TNK2: variants seen among roughly 807,000 people sequenced by gnomAD.
TNK2 encodes activated CDC42 kinase 1.
Under a neutral mutation model 101.8 loss-of-function variants are expected in TNK2, and 83 were observed. The ratio of observed to expected loss-of-function variants is 0.82; its 90% CI spans 0.68 to 0.98. The LOEUF is 0.98. Ranked by LOEUF, TNK2 falls within the 50% of genes least tolerant of loss-of-function variation. The probability of loss-of-function intolerance (pLI) is 0.00; values close to 1 mark genes in which losing one functional copy is unlikely to be tolerated. For synonymous variants in TNK2, 804 were observed against 633.0 expected, an observed-to-expected ratio of 1.27 and a Z score of -4.06; for missense variants, 1,665 against 1,483.2, an observed-to-expected ratio of 1.12 and a Z score of -2.01.
At chr3:195,887,289 C>T (rs957818833) in intron 2 of TNK2, among the ~76,000 whole-genome samples, 8 of 152,242 alleles carry the variant, frequency 5.3e-5, no homozygotes, top group Middle Eastern at 6.3e-3. Context: ...ATGGGCTTCT[C>T]CCAGTTCTCA....
Position 195,878,140 on chromosome 3 carries a change from C to A in TNK2, c.1256+113G>T, listed in dbSNP as rs1244716950. On this transcript the variant is annotated intron_variant, in intron 9 of 15. Coordinates refer to ENST00000672887, the MANE Select transcript of TNK2 (RefSeq NM_001382273.1). The surrounding 1 kb of genome is among the most constrained non-coding windows in gnomAD (Gnocchi z 4.7). ...CACTGCAGGGTTCAGGCCCAACCGCCAGCCTGTATGTGGCCAAGGGAATCT... is the reference window on the plus strand; with the variant it reads ...CACTGCAGGGTTCAGGCCCAACCGCAAGCCTGTATGTGGCCAAGGGAATCT... The A allele has an allele frequency of 2.7e-5, 31 of 1,151,202 alleles. No homozygotes were observed. The highest frequency in any genetic ancestry group is 3.9e-5 in the Non-Finnish European group (30 of 773,522). 71.3% of individuals were successfully genotyped at this position (1,151,202 alleles called of 1,614,324 possible).
intron 1 of TNK2, among the ~76,000 whole-genome samples, chr3:195,900,150 G>A (rs533312485): frequency 2.0e-4 from 30 of 152,228 alleles, no homozygotes; most frequent in Non-Finnish European, 4.0e-4. Context: ...CTTAAGGAAG[G>A]TGCCTTCTCA....
chr3:195,888,702 C>T lies in TNK2; in HGVS notation c.-18-96G>A, dbSNP rs772860747. ...GCTCACCTTCATCCCACTACACGGC[C>T]ACCCGGAAGGGCTCACACCACCTTC... On this transcript the variant is annotated intron_variant, in intron 1 of 15. Transcript: ENST00000672887. The surrounding 1 kb of genome is among the most constrained non-coding windows in gnomAD (Gnocchi z 5.3). 1 of 1,214,462 alleles carries T rather than the reference C, an allele frequency of 8.2e-7. No individual in the cohort carries two copies. Among genetic ancestry groups the T allele is most frequent in the South Asian group, 1.5e-5 (1 of 65,734 alleles). 75.2% of individuals were successfully genotyped at this position (1,214,462 alleles called of 1,614,324 possible).
chr3:195,900,502 C>T (rs1274131710), intron 1 of TNK2, among the ~76,000 whole-genome samples: 2 of 152,206 alleles, frequency 1.3e-5, no homozygotes, highest in Non-Finnish European at 2.9e-5. Context: ...CTTGAAAGTA[C>T]TGTGAAACCG....
chr3:195,869,667 G>T, intron 11 of TNK2, 126 bp from the exon 12 acceptor site: 1 of 969,244 alleles, frequency 1.0e-6, no homozygotes, highest in Non-Finnish European at 1.6e-6. Flanking sequence ...GGGGGCGAGT[G>T]AATGTACAAG....
intron 1 of TNK2, among the ~76,000 whole-genome samples, chr3:195,900,621 G>T (rs1761103745): frequency 6.6e-6 from 1 of 152,236 alleles, no homozygotes; most frequent in Non-Finnish European, 1.5e-5. Context: ...ACAGACACCA[G>T]CAGCAGTGGG....
At position 195,868,661 on chromosome 3, in the gene TNK2, T is replaced by C; in HGVS notation, c.1637A>G (p.Asp546Gly). Residue 546 changes from aspartate to glycine, a missense_variant, in exon 13 of 16, where the codon GAC becomes GGC. Physicochemically the swap from Asp to Gly is moderately conservative, Grantham distance 94 (BLOSUM62 -1). Around this residue, in one of 3 missense-constraint regions of TNK2, gnomAD observed 1,136 missense variants for 894.9 expected, o/e 1.27. Coordinates refer to ENST00000672887, the MANE Select transcript of TNK2 (RefSeq NM_001382273.1). ...CTTCCGCAGGCCCAGCCTCTTGAAGTCGCTGGACAAGGGGTCTTGGTCCTC... is the reference window on the plus strand; with the variant it reads ...CTTCCGCAGGCCCAGCCTCTTGAAGCCGCTGGACAAGGGGTCTTGGTCCTC... ...VSEDQDPLSS[D>G]FKRLGLRKPG... The C allele has an allele frequency of 6.3e-7, 1 of 1,593,302 alleles. No individual in the cohort carries two copies. The highest frequency in any genetic ancestry group is 1.1e-5 in the South Asian group (1 of 90,812).
rs761282756 is a variant in TNK2 at position 195,867,948 on chromosome 3, A to G, written c.2350T>C (p.Trp784Arg). 4.5e-6 allele frequency: 7 copies of G among 1,543,792 alleles called. No individual in the cohort carries two copies. Among genetic ancestry groups the G allele is most frequent in the Non-Finnish European group, 6.0e-6 (7 of 1,157,172 alleles). Residue 784 changes from tryptophan to arginine, a missense_variant, in exon 13 of 16, where the codon TGG becomes CGG. Physicochemically the swap from Trp to Arg is moderately radical, Grantham distance 101. This residue lies in a region of TNK2 where 1,136 missense variants were observed against 894.9 expected (regional missense o/e 1.27). Transcript: ENST00000672887. ...CGGGGAGGGGAAGCAGGTCCAGGCC[A>G]CTGGCTGGTCTCCTCCTCGCCCGGG... ...APPGEEETSQWPGPASPPRVP... is the reference protein window; with the variant it reads ...APPGEEETSQRPGPASPPRVP...
intron 1 of TNK2, chr3:195,896,243 G>A: frequency 2.5e-6 from 1 of 396,308 alleles, no homozygotes; most frequent in Non-Finnish European, 5.0e-6. Context: ...GGCATCTGAA[G>A]CAGCCACTGA....
intron 1 of TNK2, among the ~76,000 whole-genome samples, chr3:195,904,796 G>C (rs1255083543): frequency 6.6e-5 from 10 of 152,150 alleles, no homozygotes; most frequent in Non-Finnish European, 1.2e-4. Context: ...TTCAATAAAA[G>C]ATGGAAAAGA....
At chr3:195,893,624 C>T (rs534382145) in intron 1 of TNK2, among the ~76,000 whole-genome samples, 1 of 148,932 alleles carries the variant, frequency 6.7e-6, no homozygotes, top group Admixed American at 6.7e-5. Flanking sequence ...TCAAAGGGTG[C>T]CAGCTGCTCT....
chr3:195,870,215 A>T lies in TNK2; in HGVS notation c.1452-10T>A. The T allele has an allele frequency of 6.3e-7, 1 of 1,595,104 alleles. No homozygotes were observed. The highest frequency in any genetic ancestry group is 8.5e-7 in the Non-Finnish European group (1 of 1,170,046). ...GTTTCCCAGATACAGTCTGTGGGGG[A>T]GAGAGCTGGGTCAAGAGAGCAGGGG... On this transcript the variant is annotated splice_polypyrimidine_tract_variant and intron_variant, in intron 10 of 15. Transcript: ENST00000672887.
chr3:195,876,502 T>G (rs1749370645), intron 9 of TNK2: 1 of 456,588 alleles, frequency 2.2e-6, no homozygotes, highest in African/African-American at 2.0e-5. Context: ...ATGGAGATAT[T>G]CAGGGACTGA....
intron 10 of TNK2, among the ~76,000 whole-genome samples, chr3:195,870,854 G>C (rs1182822203): frequency 2.6e-5 from 4 of 152,242 alleles, no homozygotes; most frequent in Non-Finnish European, 4.4e-5. Flanking sequence ...TTCTTTTTAG[G>C]CAAAACACAT....
At chr3:195,877,594 C>A (rs1307616910) in intron 9 of TNK2, among the ~76,000 whole-genome samples, 1 of 152,216 alleles carries the variant, frequency 6.6e-6, no homozygotes, top group Non-Finnish European at 1.5e-5. Flanking sequence ...CCTGCCCCAG[C>A]CAGTTGCTCA....
At chr3:195,895,562 G>C (rs1760246524) in intron 1 of TNK2, 1 of 1,323,298 alleles carries the variant, frequency 7.6e-7, no homozygotes, top group Non-Finnish European at 9.6e-7. Context: ...CCTCCTCTCC[G>C]GGGCGCGGCT....
At chr3:195,864,317 T>G in intron 15 of TNK2, 130 bp from the exon 16 acceptor site, 1 of 969,818 alleles carries the variant, frequency 1.0e-6, no homozygotes, top group Non-Finnish European at 1.6e-6. Context: ...ACTGTAAAAT[T>G]TATCATCCTG....
At position 195,866,773 on chromosome 3, in the gene TNK2, G is replaced by A. The variant is rs1268976677; in HGVS notation, c.3161+116C>T. On this transcript the variant is annotated intron_variant, in intron 15 of 15. Transcript: ENST00000672887. The stretch of plus-strand genomic sequence containing the variant: ...AGCGCCTCCCTCCCGCAGCTGGAGA[G>A]CTGTGTCTCCCTGGCCGGGAGCGGC... 4.9e-6 allele frequency: 7 copies of A among 1,425,116 alleles called. No individual in the cohort carries two copies. In the African/African-American group the frequency reaches 8.6e-5, roughly 17 times the overall value. 88.3% of individuals were successfully genotyped at this position (1,425,116 alleles called of 1,614,324 possible).
rs552874826 is a variant in TNK2 at position 195,869,721 on chromosome 3, G to A, written c.1544-180C>T. 218 of 668,362 alleles carry A rather than the reference G, an allele frequency of 3.3e-4. 2 individuals carry two copies. In the East Asian group the frequency reaches 3.9e-3, roughly 12 times the overall value. The allele number at this position is 668,362 out of a possible 1,614,324, so 41.4% of individuals were successfully genotyped here. A position where few individuals can be genotyped will look rare whatever the true frequency, so the allele number is the denominator to read the frequency against. On this transcript the variant is annotated intron_variant, in intron 11 of 15. Coordinates refer to ENST00000672887, the MANE Select transcript of TNK2 (RefSeq NM_001382273.1). ...CCGCAGGCGGCAGGATGAGGAACAC[G>A]GCGGTCCAGTATGATAGGCAGAGGA... is the stretch of plus-strand genomic sequence containing the variant.
Sources: gnomAD v4.1 joint callset for allele counts (sites outside exome capture counted in the v4.1 genomes callset) on GRCh38, gnomAD v4.1.1 for gene constraint, gnomAD v4.1.1 regional missense constraint, Gnocchi (gnomAD v3.1) non-coding constraint, MANE v1.5 for transcripts, NCBI Gene and HGNC (gene_info 2026-07-23, HGNC 2026-07-21) for gene names.